INTS7: variants seen among roughly 807,000 people sequenced by gnomAD.
INTS7 encodes chromosome 1 open reading frame 73.
Under a neutral mutation model 109.2 loss-of-function variants are expected in INTS7, and 46 were observed. The observed-to-expected ratio is 0.42, with a 90% CI of 0.33 to 0.54. The LOEUF (loss-of-function observed/expected upper bound fraction) is 0.54, where lower values mean the gene tolerates loss of function less well. INTS7 is among the 20% of genes least tolerant of loss of function. The probability of loss-of-function intolerance (pLI) is 0.07; values close to 1 mark genes in which losing one functional copy is unlikely to be tolerated. For synonymous variants in INTS7, 412 were observed against 402.9 expected (o/e 1.02, Z -0.27); for missense variants, 929 against 1,132.4 (o/e 0.82, Z 2.58).
intron 3 of INTS7, 140 bp downstream of exon 3, chr1:212,019,982 A>C: frequency 1.9e-6 from 1 of 533,278 alleles, no homozygotes; most frequent in Non-Finnish European, 3.2e-6. Context: ...GATAGTTATC[A>C]CAGTTTTGCC....
chr1:211,984,038 A>AT (rs562438886), intron 8 of INTS7, among the ~76,000 whole-genome samples: 103 of 150,070 alleles, frequency 6.9e-4, no homozygotes, highest in Admixed American at 2.7e-3. Flanking sequence ...TAATTTTGTT[A>AT]TTTTTTTTTG....
At chr1:211,964,182 C>T (rs988494546) in intron 16 of INTS7, among the ~76,000 whole-genome samples, 11 of 152,100 alleles carry the variant, frequency 7.2e-5, no homozygotes, top group Non-Finnish European at 1.6e-4. Flanking sequence ...ACTAGTATTC[C>T]TATATACCAA....
intron 10 of INTS7, among the ~76,000 whole-genome samples, chr1:211,980,282 T>C (rs570388111): frequency 6.6e-6 from 1 of 152,300 alleles, no homozygotes; most frequent in Admixed American, 6.5e-5. Flanking sequence ...AAATGAGCCA[T>C]GACTTCCTTG....
intron 16 of INTS7, among the ~76,000 whole-genome samples, chr1:211,957,492 G>A (rs1436176524): frequency 1.3e-5 from 2 of 151,128 alleles, no homozygotes; most frequent in African/African-American, 4.9e-5. Context: ...GTTGCAGTGA[G>A]CCGAGATCAC....
chr1:211,992,636 T>C (rs752925008), intron 7 of INTS7, among the ~76,000 whole-genome samples: 8 of 152,096 alleles, frequency 5.3e-5, no homozygotes, highest in Non-Finnish European at 1.0e-4. Flanking sequence ...TGAGCTACAA[T>C]TGTGGTACAG....
At chr1:212,013,359 A>G (rs546355354) in intron 4 of INTS7, among the ~76,000 whole-genome samples, 3 of 152,336 alleles carry the variant, frequency 2.0e-5, no homozygotes, top group Admixed American at 6.5e-5. Flanking sequence ...TAGAATAAGG[A>G]TATAAAGAAA....
chr1:211,941,618 T>C lies in INTS7; in HGVS notation c.*206A>G. 1 of 636,174 alleles carries C rather than the reference T, an allele frequency of 1.6e-6. No individual in the cohort carries two copies. Among genetic ancestry groups the C allele is most frequent in the Non-Finnish European group, 2.6e-6 (1 of 380,134 alleles). The allele number at this position is 636,174 out of a possible 1,614,324, so 39.4% of individuals were successfully genotyped here. On this transcript the variant is annotated 3_prime_UTR_variant, in exon 20 of 20. Coordinates refer to ENST00000366994, the MANE Select transcript of INTS7 (RefSeq NM_015434.4). ...AGCCGCCCACCTCAGCCTCCCAAAG[T>C]GCTGGGATTACAGGCGTGAGCAACC... is the stretch of plus-strand genomic sequence containing the variant.
At chr1:212,028,158 C>T (rs939307598) in intron 1 of INTS7, among the ~76,000 whole-genome samples, 1 of 152,174 alleles carries the variant, frequency 6.6e-6, no homozygotes, top group Non-Finnish European at 1.5e-5. Context: ...ACTTCTGCCA[C>T]TTGATAACTT....
Position 212,007,260 on chromosome 1 carries a change from G to T in INTS7, c.746C>A (p.Thr249Lys). 6.2e-7 allele frequency: 1 copy of T among 1,610,950 alleles called. No individual in the cohort carries two copies. The highest frequency in any genetic ancestry group is 8.5e-7 in the Non-Finnish European group (1 of 1,177,268). Residue 249 changes from threonine (T) to lysine (K), a missense_variant, in exon 6 of 20, where the codon ACA becomes AAA. Around this residue, in one of 2 missense-constraint regions of INTS7, gnomAD observed 787 missense variants for 901.1 expected, o/e 0.87. Coordinates refer to ENST00000366994, the MANE Select transcript of INTS7 (RefSeq NM_015434.4). The part of the protein sequence containing the change: ...TLLAASSLVD[T>K]PKQIQLLLQY... The stretch of plus-strand genomic sequence containing the variant: ...GAAAATTGAAATTACCTGCTTAGGT[G>T]TATCAACCAAAGATGACGCTGCAAG...
intron 13 of INTS7, among the ~76,000 whole-genome samples, chr1:211,969,054 G>A (rs1242058244): frequency 6.6e-5 from 10 of 152,226 alleles, no homozygotes; most frequent in African/African-American, 2.4e-4. Flanking sequence ...GGAGGTCGAG[G>A]CGGGTGGATC....
intron 4 of INTS7, among the ~76,000 whole-genome samples, chr1:212,014,000 G>GA (rs1049930004): frequency 5.9e-5 from 9 of 152,088 alleles, no homozygotes; most frequent in African/African-American, 2.2e-4. Flanking sequence ...CTCAATGAGG[G>GA]AAAAAAATGC....
intron 1 of INTS7, among the ~76,000 whole-genome samples, chr1:212,029,369 C>T (rs1213677611): frequency 2.6e-5 from 4 of 152,212 alleles, no homozygotes; most frequent in Non-Finnish European, 5.9e-5. Flanking sequence ...CTAGGAATAT[C>T]GTAGCCATTG....
intron 7 of INTS7, among the ~76,000 whole-genome samples, chr1:211,992,725 T>C (rs966891630): frequency 6.6e-6 from 1 of 152,124 alleles, no homozygotes; most frequent in South Asian, 2.1e-4. Context: ...ATTTAAACGT[T>C]CATTAATCCA....
chr1:212,018,612 C>T (rs1228295155), intron 3 of INTS7, among the ~76,000 whole-genome samples: 3 of 151,948 alleles, frequency 2.0e-5, no homozygotes, highest in Non-Finnish European at 2.9e-5. Flanking sequence ...AAAATAATCA[C>T]TGTTAACAGT....
chr1:211,993,715 A>C (rs1665245053), intron 7 of INTS7, among the ~76,000 whole-genome samples: 1 of 151,370 alleles, frequency 6.6e-6, no homozygotes, highest in Non-Finnish European at 1.5e-5. Flanking sequence ...AGCATCAGAT[A>C]TTGTAAACTA....
At chr1:211,947,835 C>G (rs139467813) in intron 17 of INTS7, among the ~76,000 whole-genome samples, 6 of 152,154 alleles carry the variant, frequency 3.9e-5, no homozygotes, top group East Asian at 1.9e-4. Flanking sequence ...TAAGCACTCA[C>G]GGTACATCAA....
At chr1:211,996,630 T>C (rs1665403283) in intron 7 of INTS7, among the ~76,000 whole-genome samples, 1 of 152,132 alleles carries the variant, frequency 6.6e-6, no homozygotes, top group Non-Finnish European at 1.5e-5. Context: ...AAAATTGCTC[T>C]CATGGATATT....
intron 1 of INTS7, among the ~76,000 whole-genome samples, chr1:212,035,007 T>C (rs1451015274): frequency 6.6e-6 from 1 of 152,258 alleles, no homozygotes; most frequent in East Asian, 1.9e-4. Context: ...CTGAACAGAC[T>C]GAAAACCAAT....
intron 9 of INTS7, 61 bp from the exon 10 acceptor site, chr1:211,981,251 T>A: frequency 1.0e-6 from 1 of 978,750 alleles, no homozygotes; most frequent in Non-Finnish European, 1.6e-6. Context: ...CACACACACA[T>A]ATACATGCAT....
Sources: allele counts gnomAD v4.1 joint callset (sites outside exome capture counted in the v4.1 genomes callset), GRCh38; gene constraint gnomAD v4.1.1; regional missense constraint gnomAD v4.1.1; transcripts MANE v1.5; gene names NCBI Gene and HGNC (gene_info 2026-07-23, HGNC 2026-07-21).